The following PIEZO2 variants were observed in gnomAD, a reference collection of about 807,000 sequenced individuals.
PIEZO2 encodes piezo type mechanosensitive ion channel component 2, also known as piezo-type mechanosensitive ion channel component 2.
Under a neutral mutation model 337.3 loss-of-function variants are expected in PIEZO2, and 172 were observed. The observed-to-expected ratio is 0.51, with a 90% CI of 0.45 to 0.58. The LOEUF is 0.58. PIEZO2 is among the 20% of genes least tolerant of loss of function. The pLI is 0.00. For synonymous variants in PIEZO2, 1,251 were observed against 1,228.5 expected, an observed-to-expected ratio of 1.02 and a Z score of -0.38; for missense variants, 3,028 against 3,391.3, an observed-to-expected ratio of 0.89 and a Z score of 2.66.
intron 3 of PIEZO2, among the ~76,000 whole-genome samples, chr18:10,978,085 G>A (rs1484914097): frequency 6.6e-6 from 1 of 152,142 alleles, no homozygotes; most frequent in Non-Finnish European, 1.5e-5. Flanking sequence ...CACTTTGGGA[G>A]GCCGAGGCAG....
At chr18:11,073,518 G>A (rs1447992381) in intron 1 of PIEZO2, among the ~76,000 whole-genome samples, 1 of 152,116 alleles carries the variant, frequency 6.6e-6, no homozygotes, top group Non-Finnish European at 1.5e-5. Context: ...GGCAGGTCCT[G>A]CTCTGACAAC....
chr18:10,836,790 C>T (rs2041027635), intron 7 of PIEZO2, among the ~76,000 whole-genome samples: 2 of 152,116 alleles, frequency 1.3e-5, no homozygotes, highest in South Asian at 4.1e-4. Flanking sequence ...GAACCTCAAT[C>T]CTGCTCAAGT....
In PIEZO2 at chr18:10,982,710, A is replaced by G. The variant is rs1050667518; in HGVS notation, c.161-3050T>C. Among the ~76,000 whole-genome samples the G allele has an allele frequency of 2.6e-5, 4 of 152,032 alleles. No individual in the cohort carries two copies. Among genetic ancestry groups the G allele is most frequent in the African/African-American group, 9.7e-5 (4 of 41,348 alleles). On this transcript the variant is annotated intron_variant, in intron 2 of 55. Transcript: ENST00000674853. The surrounding 1 kb of genome is among the most constrained non-coding windows in gnomAD (Gnocchi z 4.1). ...CATAGCAGATATTAAAATATGTTAT[A>G]AAACCATATGTTTATTTATTTTTTT...
rs58924448 is a variant in PIEZO2, at chr18:10,802,085, C to CA, written c.1201-658dup. 7.4e-3 allele frequency among the ~76,000 whole-genome samples: 711 copies of CA among 96,240 alleles called. 6 individuals are homozygous for CA. Among genetic ancestry groups the CA allele is most frequent in the Middle Eastern group, 0.016 (3 of 182 alleles). 63.1% of individuals were successfully genotyped at this position (96,240 alleles called of 152,430 possible). A position where few individuals can be genotyped will look rare whatever the true frequency, so the allele number is the denominator to read the frequency against. On this transcript the variant is annotated intron_variant, in intron 9 of 55. Coordinates refer to ENST00000674853, the MANE Select transcript of PIEZO2 (RefSeq NM_001378183.1). ...TGGGCGACAGAGCGAGACTCCGTCT[C>CA]AAAAAAAAAAAAAAAAAAAAAGAAA...
chr18:10,696,463 C>G lies in PIEZO2; in HGVS notation c.6904G>C (p.Val2302Leu), dbSNP rs777643703. The change falls in exon 46 of 56, where the codon GTG (valine) becomes CTG (leucine). Residue 2302 changes from valine (V) to leucine (L), a missense_variant. By Grantham distance (32) the Val-to-Leu change is conservative. Transcript: ENST00000674853. ...TCAGCCAGGAACATGAGTACATACA[C>G]GTCAGTCACGGCGCTATACTCCGGG... ...IHPEYSAVTD[V>L]YVLMFLADTV... The G allele has an allele frequency of 1.9e-6, 3 of 1,614,200 alleles. No individual in the cohort carries two copies. The highest frequency in any genetic ancestry group is 2.5e-6 in the Non-Finnish European group (3 of 1,180,028).
At chr18:10,918,128 G>A (rs2031133551) in intron 3 of PIEZO2, among the ~76,000 whole-genome samples, 1 of 152,076 alleles carries the variant, frequency 6.6e-6, no homozygotes, top group Admixed American at 6.6e-5. Flanking sequence ...TATACCCAAG[G>A]AATACAATTT....
Position 11,110,983 on chromosome 18 carries a change from C to T in PIEZO2, c.64+37542G>A, listed in dbSNP as rs1278050331. Among the ~76,000 whole-genome samples, 1 of 152,234 alleles carries T rather than the reference C, an allele frequency of 6.6e-6. No homozygotes were observed. The highest frequency in any genetic ancestry group is 1.5e-5 in the Non-Finnish European group (1 of 68,040). ...TCAGAGTCCACCATGAGAGCCACTG[C>T]AGGGCTTCGGAACGGAGGAGAAGCT... On this transcript the variant is annotated intron_variant, in intron 1 of 55. Transcript: ENST00000674853. This position sits in a 1 kb window ranked among gnomAD's most constrained non-coding sequence, Gnocchi z 4.2.
chr18:11,142,762 C>T (rs1367609665), intron 1 of PIEZO2, among the ~76,000 whole-genome samples: 2 of 125,400 alleles, frequency 1.6e-5, no homozygotes, highest in Admixed American at 1.0e-4. Context: ...GCCTAGGCAT[C>T]AGAGTGAGAT....
chr18:11,005,403 T>C (rs1768404786), intron 2 of PIEZO2, among the ~76,000 whole-genome samples: 1 of 152,334 alleles, frequency 6.6e-6, no homozygotes, highest in Non-Finnish European at 1.5e-5. Flanking sequence ...TTGGAAGAAA[T>C]GTAGTTTAGC....
intron 2 of PIEZO2, among the ~76,000 whole-genome samples, chr18:10,998,051 A>T (rs2035391741): frequency 6.6e-6 from 1 of 152,136 alleles, no homozygotes; most frequent in East Asian, 1.9e-4. Context: ...AAAACAATTT[A>T]AAGACCACAT....
chr18:10,902,419 T>C (rs2043073267), intron 4 of PIEZO2, among the ~76,000 whole-genome samples: 1 of 152,196 alleles, frequency 6.6e-6, no homozygotes, highest in South Asian at 2.1e-4. Context: ...GATATCTGCA[T>C]CCAAAACCGG....
chr18:10,949,360 C>T (rs2033178480), intron 3 of PIEZO2, among the ~76,000 whole-genome samples: 1 of 152,160 alleles, frequency 6.6e-6, no homozygotes, highest in South Asian at 2.1e-4. Flanking sequence ...GCAACCTGAA[C>T]ATGCTCAAAT....
intron 4 of PIEZO2, among the ~76,000 whole-genome samples, chr18:10,892,221 A>T (rs1375597933): frequency 1.3e-5 from 2 of 152,226 alleles, no homozygotes; most frequent in Non-Finnish European, 2.9e-5. Context: ...CATTAGCAAT[A>T]AAAGGGAATT....
At chr18:10,817,855 G>A (rs997340515) in intron 7 of PIEZO2, among the ~76,000 whole-genome samples, 2 of 151,314 alleles carry the variant, frequency 1.3e-5, no homozygotes, top group Non-Finnish European at 2.9e-5. Context: ...CCCAGGAGGC[G>A]GAGGTTGCAG....
At chr18:10,804,084 A>T in intron 8 of PIEZO2, 90 bp from the exon 9 acceptor site, 1 of 1,437,496 alleles carries the variant, frequency 7.0e-7, no homozygotes. Flanking sequence ...ATTTTGGCTC[A>T]GTATGATGAC....
intron 1 of PIEZO2, among the ~76,000 whole-genome samples, chr18:11,139,840 T>C (rs2040592719): frequency 6.6e-6 from 1 of 152,240 alleles, no homozygotes; most frequent in South Asian, 2.1e-4. Flanking sequence ...TTCTGTTCAC[T>C]TGATCTAGAA....
At chr18:10,842,215 T>C (rs998286746) in intron 7 of PIEZO2, among the ~76,000 whole-genome samples, 1 of 152,186 alleles carries the variant, frequency 6.6e-6, no homozygotes, top group Non-Finnish European at 1.5e-5. Context: ...TTGCCATTAC[T>C]TTTAATGGCA....
intron 2 of PIEZO2, among the ~76,000 whole-genome samples, chr18:11,014,039 T>C (rs556505111): frequency 3.7e-4 from 56 of 152,176 alleles, no homozygotes; most frequent in Non-Finnish European, 7.1e-4. Context: ...TGCTGGGTCA[T>C]GAATGTAGAC....
intron 1 of PIEZO2, among the ~76,000 whole-genome samples, chr18:11,067,405 T>G (rs746858719): frequency 6.6e-6 from 1 of 152,198 alleles, no homozygotes; most frequent in Non-Finnish European, 1.5e-5. Context: ...AAAATTATCT[T>G]GAATGTAAAT....
Sources: allele counts gnomAD v4.1 joint callset (sites outside exome capture counted in the v4.1 genomes callset), GRCh38; gene constraint gnomAD v4.1.1; non-coding constraint Gnocchi (gnomAD v3.1); transcripts MANE v1.5; gene names NCBI Gene and HGNC (gene_info 2026-07-23, HGNC 2026-07-21).